SUMF1: variants seen among roughly 807,000 people sequenced by gnomAD.
SUMF1 encodes the protein sulfatase modifying factor 1.
Under a neutral mutation model 47.6 loss-of-function variants are expected in SUMF1, and 48 were observed. The observed-to-expected ratio is 1.01, with a 90% CI of 0.80 to 1.28. SUMF1 has a LOEUF of 1.28. Ranked by LOEUF, SUMF1 falls within the 50% of genes most tolerant of loss-of-function variation. SUMF1 has a pLI of 0.00. For synonymous variants in SUMF1, 230 were observed against 192.1 expected (o/e 1.20, Z -1.63); for missense variants, 571 against 485.4 (o/e 1.18, Z -1.66).
intron 8 of SUMF1, among the ~76,000 whole-genome samples, chr3:4,145,225 C>T (rs1694166668): frequency 6.8e-6 from 1 of 146,092 alleles, no homozygotes; most frequent in African/African-American, 2.5e-5. Flanking sequence ...CCATCTCCTA[C>T]AGTCATGCAT....
chr3:4,240,641 A>G (rs1386114865), intron 8 of SUMF1, among the ~76,000 whole-genome samples: 2 of 152,060 alleles, frequency 1.3e-5, no homozygotes, highest in African/African-American at 4.8e-5. Flanking sequence ...GAGATATTAT[A>G]AGCAACCCAA....
In SUMF1 at chr3:4,132,438, G is replaced by A. The variant is rs186908325; in HGVS notation, c.1015-63693C>T. On this transcript the variant is annotated intron_variant and NMD_transcript_variant, in intron 8 of 12. Coordinates refer to the SUMF1 transcript ENST00000448413. ...CAATACTTTGCACAGCTGGGTCAAA[G>A]TTCTCCAGAAGGCCATGTATGCTCT... is the stretch of plus-strand genomic sequence containing the variant. Among the ~76,000 whole-genome samples the A allele has an allele frequency of 7.8e-4, 118 of 152,168 alleles. 1 individual carries two copies. Among genetic ancestry groups the A allele is most frequent in the African/African-American group, 2.8e-3 (115 of 41,494 alleles).
At chr3:4,075,491 G>A (rs1022529657) in intron 8 of SUMF1, among the ~76,000 whole-genome samples, 1 of 152,020 alleles carries the variant, frequency 6.6e-6, no homozygotes, top group African/African-American at 2.4e-5. Flanking sequence ...TCTGGCCAGG[G>A]CAATTAGGCA....
intron 7 of SUMF1, among the ~76,000 whole-genome samples, chr3:4,394,221 G>C (rs574501058): frequency 1.5e-4 from 23 of 152,190 alleles, no homozygotes; most frequent in African/African-American, 5.1e-4. Flanking sequence ...CCAGGGTAGA[G>C]TGCAGTGGCG....
intron 8 of SUMF1, among the ~76,000 whole-genome samples, chr3:4,372,785 T>C (rs193198858): frequency 1.3e-3 from 202 of 152,298 alleles, no homozygotes; most frequent in African/African-American, 4.6e-3. Context: ...CTAATCCACA[T>C]CTCAATAATT....
At chr3:4,376,134 A>G (rs1360699718) in intron 8 of SUMF1, among the ~76,000 whole-genome samples, 196 bp downstream of exon 8, 2 of 152,224 alleles carry the variant, frequency 1.3e-5, no homozygotes. Flanking sequence ...GTCATTCACA[A>G]CCTTTGTTAC....
intron 7 of SUMF1, among the ~76,000 whole-genome samples, chr3:4,405,863 A>C (rs1701358921): frequency 6.6e-6 from 1 of 152,214 alleles, no homozygotes; most frequent in African/African-American, 2.4e-5. Context: ...GAGGAGGAAT[A>C]CATTTTGGAA....
intron 7 of SUMF1, among the ~76,000 whole-genome samples, chr3:4,382,331 T>C (rs62257909): frequency 1.3e-4 from 15 of 112,856 alleles, no homozygotes; most frequent in African/African-American, 6.7e-4. Context: ...CACACACACA[T>C]ACATGCACAC....
intron 8 of SUMF1, among the ~76,000 whole-genome samples, chr3:4,221,483 C>G (rs1696063681): frequency 6.6e-6 from 1 of 150,740 alleles, no homozygotes; most frequent in African/African-American, 2.4e-5. Flanking sequence ...AGATGCTAAA[C>G]ATATATAAGC....
At chr3:4,061,262 T>G (rs529804716) in intron 9 of SUMF1, among the ~76,000 whole-genome samples, 67 of 152,228 alleles carry the variant, frequency 4.4e-4, no homozygotes, top group Non-Finnish European at 8.2e-4. Context: ...TGGAGAAAGT[T>G]AGAATTGTCT....
At chr3:4,145,616 T>C (rs1694175633) in intron 8 of SUMF1, among the ~76,000 whole-genome samples, 1 of 152,184 alleles carries the variant, frequency 6.6e-6, no homozygotes, top group Non-Finnish European at 1.5e-5. Flanking sequence ...TGACTCATAA[T>C]AGATATGAAG....
chr3:4,076,120 A>G (rs1018510260), intron 8 of SUMF1, among the ~76,000 whole-genome samples: 1 of 152,164 alleles, frequency 6.6e-6, no homozygotes, highest in Non-Finnish European at 1.5e-5. Flanking sequence ...CCAAAACAGC[A>G]TGGTACTGGT....
At chr3:4,303,592 G>T in intron 8 of SUMF1, 2 of 1,374,580 alleles carry the variant, frequency 1.5e-6, no homozygotes, top group Non-Finnish European at 1.9e-6. Context: ...TCCTCAAGCC[G>T]CCTCGCTGGG....
chr3:4,412,503 T>C (rs1311268594), intron 6 of SUMF1, among the ~76,000 whole-genome samples: 1 of 151,928 alleles, frequency 6.6e-6, no homozygotes. Context: ...CATGGTAGAG[T>C]AATAGCTGGG....
chr3:4,396,196 G>A (rs1315664010), intron 7 of SUMF1, among the ~76,000 whole-genome samples: 1 of 152,216 alleles, frequency 6.6e-6, no homozygotes, highest in Non-Finnish European at 1.5e-5. Context: ...CTGGGCTGAA[G>A]GCCAGGATGT....
intron 7 of SUMF1, among the ~76,000 whole-genome samples, chr3:4,389,450 T>A (rs897265162): frequency 6.6e-6 from 1 of 152,166 alleles, no homozygotes; most frequent in Non-Finnish European, 1.5e-5. Context: ...TTCTTCAGAA[T>A]TACCCTCATT....
chr3:4,037,153 T>C (rs1694815990), intron 9 of SUMF1, among the ~76,000 whole-genome samples: 1 of 152,206 alleles, frequency 6.6e-6, no homozygotes, highest in Non-Finnish European at 1.5e-5. Context: ...GAGTGATCTA[T>C]TGGCATGAGT....
chr3:4,164,331 T>C lies in SUMF1; in HGVS notation c.1015-95586A>G, dbSNP rs139809336. On this transcript the variant is annotated intron_variant and NMD_transcript_variant, in intron 8 of 12. Transcript: ENST00000448413. Reference sequence around the variant, plus strand: ...AGGAAGTCAATTTCCTGGCCCTCAATGGTTAAACGTACCCGGGGCTCAGTG... The same window carrying C: ...AGGAAGTCAATTTCCTGGCCCTCAACGGTTAAACGTACCCGGGGCTCAGTG... Among the ~76,000 whole-genome samples, 429 of 152,202 alleles carry C rather than the reference T, an allele frequency of 2.8e-3. 4 individuals carry two copies. The highest frequency in any genetic ancestry group is 9.6e-3 in the African/African-American group (400 of 41,504).
intron 8 of SUMF1, among the ~76,000 whole-genome samples, chr3:4,256,585 A>G (rs1472576690): frequency 1.3e-5 from 2 of 149,012 alleles, no homozygotes; most frequent in Non-Finnish European, 3.0e-5. Flanking sequence ...GAATCTCTGA[A>G]TAGACCAATA....
Sources: gnomAD v4.1 joint callset for allele counts (sites outside exome capture counted in the v4.1 genomes callset) on GRCh38, gnomAD v4.1.1 for gene constraint, MANE v1.5 for transcripts, NCBI Gene and HGNC (gene_info 2026-07-23, HGNC 2026-07-21) for gene names.